Variants in CPED1 observed in about 807,000 individuals in gnomAD.
The protein encoded by CPED1 is cadherin like and PC-esterase domain containing 1.
A neutral mutation model predicts 128.2 loss-of-function variants in CPED1; 114 were observed. The ratio of observed to expected loss-of-function variants is 0.89; its 90% CI spans 0.76 to 1.04. The LOEUF (loss-of-function observed/expected upper bound fraction) is 1.04. CPED1 is among the 50% of genes least tolerant of loss of function. The probability of loss-of-function intolerance (pLI) is 0.00; values close to 1 mark genes in which losing one functional copy is unlikely to be tolerated. For synonymous variants in CPED1, 462 were observed against 426.7 expected, an observed-to-expected ratio of 1.08 and a Z score of -1.02; for missense variants, 1,211 against 1,207.1, an observed-to-expected ratio of 1.00 and a Z score of -0.05.
chr7:121,273,945 GTT>G (rs1792283848), intron 22 of CPED1, among the ~76,000 whole-genome samples: 1 of 152,142 alleles, frequency 6.6e-6, no homozygotes, highest in Non-Finnish European at 1.5e-5. Flanking sequence ...CAAGCCAGTG[GTT>G]GCCAAACCCA....
chr7:121,283,231 T>C (rs1363568051), intron 22 of CPED1, among the ~76,000 whole-genome samples: 1 of 152,214 alleles, frequency 6.6e-6, no homozygotes, highest in Non-Finnish European at 1.5e-5. Context: ...TATATAGAAC[T>C]ACCTTATTTC....
intron 16 of CPED1, among the ~76,000 whole-genome samples, chr7:121,152,528 A>T (rs970049323): frequency 1.3e-5 from 2 of 152,242 alleles, no homozygotes; most frequent in East Asian, 3.8e-4. Flanking sequence ...ACAATTTCTC[A>T]TCTGTCATAC....
At chr7:121,161,014 T>A (rs910828389) in intron 16 of CPED1, among the ~76,000 whole-genome samples, 18 of 152,058 alleles carry the variant, frequency 1.2e-4, no homozygotes, top group Non-Finnish European at 2.4e-4. Flanking sequence ...AAGGAAAAAA[T>A]TTAGGAAAGT....
At chr7:121,200,643 T>C (rs1797374829) in intron 16 of CPED1, among the ~76,000 whole-genome samples, 1 of 152,090 alleles carries the variant, frequency 6.6e-6, no homozygotes, top group African/African-American at 2.4e-5. Flanking sequence ...CCCACAAATT[T>C]TAAAGTTTTT....
intron 4 of CPED1, among the ~76,000 whole-genome samples, chr7:121,058,695 C>T (rs2721325): frequency 0.81 from 123,929 of 152,168 alleles, 50,579 homozygotes; most frequent in Admixed American, 0.87. Context: ...GGCAAAGCAC[C>T]TACAGCCTAA....
At chr7:121,065,804 A>C (rs551140547) in intron 5 of CPED1, among the ~76,000 whole-genome samples, 1 of 152,162 alleles carries the variant, frequency 6.6e-6, no homozygotes, top group African/African-American at 2.4e-5. Flanking sequence ...AGTTCTTTCT[A>C]CATTCTGTTT....
intron 4 of CPED1, among the ~76,000 whole-genome samples, chr7:121,062,533 C>T (rs1793700244): frequency 6.6e-6 from 1 of 152,144 alleles, no homozygotes; most frequent in South Asian, 2.1e-4. Flanking sequence ...TTTATGAAAG[C>T]CCTTCTTTTT....
Position 121,187,397 on chromosome 7 carries a change from CAA to C in CPED1, c.2055+45260_2055+45261del, listed in dbSNP as rs577419696. ...AGAAAGAGCTTAGCACTTTTGAAAA[CAA>C]AAACAAAAACAAAACAGAAAGACCA... is the stretch of plus-strand genomic sequence containing the variant. On this transcript the variant is annotated intron_variant, in intron 16 of 22. Transcript: ENST00000310396. Among the ~76,000 whole-genome samples, 688 of 152,028 alleles carry C rather than the reference CAA, an allele frequency of 4.5e-3. 3 individuals are homozygous for C. The highest frequency in any genetic ancestry group is 0.014 in the Middle Eastern group (4 of 294).
At chr7:121,204,958 G>A (rs560587101) in intron 16 of CPED1, among the ~76,000 whole-genome samples, 3 of 152,176 alleles carry the variant, frequency 2.0e-5, no homozygotes, top group African/African-American at 2.4e-5. Flanking sequence ...GGTGCTGTAG[G>A]CCACCTCCAT....
intron 7 of CPED1, among the ~76,000 whole-genome samples, chr7:121,116,999 TACAC>T (rs1795255964): frequency 6.8e-6 from 1 of 146,490 alleles, no homozygotes; most frequent in Admixed American, 6.9e-5. Flanking sequence ...CACATATATA[TACAC>T]ACACACATAT....
chr7:121,034,146 T>C (rs928139849), intron 3 of CPED1, among the ~76,000 whole-genome samples: 1 of 151,554 alleles, frequency 6.6e-6, no homozygotes, highest in African/African-American at 2.4e-5. Flanking sequence ...TATTATATAC[T>C]CAAGTAATAC....
intron 3 of CPED1, among the ~76,000 whole-genome samples, chr7:121,029,880 T>C (rs1585027737): frequency 6.6e-6 from 1 of 152,166 alleles, no homozygotes; most frequent in South Asian, 2.1e-4. Flanking sequence ...TTTATATACA[T>C]TTTCATATCT....
intron 9 of CPED1, among the ~76,000 whole-genome samples, chr7:121,126,511 C>A (rs963843705): frequency 6.6e-6 from 1 of 151,936 alleles, no homozygotes; most frequent in Non-Finnish European, 1.5e-5. Context: ...ATAGAAAGTT[C>A]TACCTTGGAA....
chr7:121,178,803 C>A (rs908518075), intron 16 of CPED1, among the ~76,000 whole-genome samples: 12 of 151,990 alleles, frequency 7.9e-5, no homozygotes, highest in African/African-American at 2.2e-4. Flanking sequence ...TTTTAAGGTA[C>A]AGGTAGGTCA....
At chr7:121,265,883 G>C (rs1792111460) in intron 18 of CPED1, among the ~76,000 whole-genome samples, 2 of 152,138 alleles carry the variant, frequency 1.3e-5, no homozygotes, top group South Asian at 4.1e-4. Context: ...AGTATTCCTA[G>C]AGCACTAAAA....
intron 16 of CPED1, among the ~76,000 whole-genome samples, chr7:121,166,545 C>T (rs1428482317): frequency 6.6e-6 from 1 of 152,012 alleles, no homozygotes; most frequent in African/African-American, 2.4e-5. Flanking sequence ...CTATTGTTTT[C>T]TTTGATAATA....
chr7:121,249,477 A>G (rs1269277607), intron 18 of CPED1, among the ~76,000 whole-genome samples: 1 of 152,182 alleles, frequency 6.6e-6, no homozygotes, highest in African/African-American at 2.4e-5. Flanking sequence ...CTGGCAGCAG[A>G]CCTTTCAGCA....
At chr7:121,179,760 A>C (rs1302559457) in intron 16 of CPED1, among the ~76,000 whole-genome samples, 1 of 152,110 alleles carries the variant, frequency 6.6e-6, no homozygotes, top group Non-Finnish European at 1.5e-5. Context: ...ATTGTTCCTT[A>C]GCCTTGCCCC....
intron 22 of CPED1, among the ~76,000 whole-genome samples, chr7:121,290,407 A>G (rs1792672766): frequency 6.6e-6 from 1 of 152,156 alleles, no homozygotes; most frequent in Non-Finnish European, 1.5e-5. Context: ...GGTTGAAATA[A>G]TTTACACTCC....
Sources: allele counts gnomAD v4.1 joint callset (sites outside exome capture counted in the v4.1 genomes callset), GRCh38; gene constraint gnomAD v4.1.1; transcripts MANE v1.5; gene names NCBI Gene and HGNC (gene_info 2026-07-23, HGNC 2026-07-21).